The following GPR183 variants were observed in gnomAD, a reference collection of about 807,000 sequenced individuals.
GPR183 encodes EBV-induced G-protein coupled receptor 2.
GPR183 carries 9 observed loss-of-function variants against 19.7 expected under a neutral mutation model. The observed-to-expected ratio is 0.46, with a 90% CI of 0.28 to 0.80. The LOEUF is 0.80. Ranked by LOEUF, GPR183 falls within the 30% of genes least tolerant of loss-of-function variation. The pLI is 0.13. For missense variants in GPR183, 368 were observed against 446.7 expected (o/e 0.82, Z 1.59); for synonymous variants, 160 against 155.1 (o/e 1.03, Z -0.24).
chr13:99,298,514 C>G (rs1222428167), intron 1 of GPR183, among the ~76,000 whole-genome samples: 1 of 151,886 alleles, frequency 6.6e-6, no homozygotes, highest in African/African-American at 2.4e-5. Context: ...AGATATAAAG[C>G]CTTGAATGCA....
intron 1 of GPR183, among the ~76,000 whole-genome samples, chr13:99,297,776 C>G (rs1379619537): frequency 6.6e-6 from 1 of 151,480 alleles, no homozygotes; most frequent in Non-Finnish European, 1.5e-5. Context: ...GTTGAGCTTG[C>G]CTATTACAGG....
At chr13:99,307,130 C>A (rs1164694500) in intron 1 of GPR183, among the ~76,000 whole-genome samples, 1 of 151,958 alleles carries the variant, frequency 6.6e-6, no homozygotes, top group Non-Finnish European at 1.5e-5. Flanking sequence ...TCTGGTGGAC[C>A]CATCGCTTTC....
chr13:99,302,544 G>A (rs1025710580), intron 1 of GPR183, among the ~76,000 whole-genome samples: 4 of 152,166 alleles, frequency 2.6e-5, no homozygotes, highest in African/African-American at 9.6e-5. Context: ...TTCAAACAGG[G>A]GCATCTAAAT....
At chr13:99,296,672 C>A (rs138924564) in intron 1 of GPR183, among the ~76,000 whole-genome samples, 73 of 152,106 alleles carry the variant, frequency 4.8e-4, no homozygotes, top group African/African-American at 1.7e-3. Flanking sequence ...ATGAACTTAC[C>A]ACAGTGATCT....
chr13:99,301,751 C>T (rs998961151), intron 1 of GPR183, among the ~76,000 whole-genome samples: 7 of 152,204 alleles, frequency 4.6e-5, no homozygotes, highest in Non-Finnish European at 8.8e-5. Context: ...CATGTACCTT[C>T]CATGGTCCTA....
At chr13:99,298,786 G>A (rs891534912) in intron 1 of GPR183, among the ~76,000 whole-genome samples, 2 of 152,194 alleles carry the variant, frequency 1.3e-5, no homozygotes, top group African/African-American at 4.8e-5. Flanking sequence ...AAGGCTTCAT[G>A]TGAAAAGCAG....
chr13:99,299,955 T>C (rs1367500900), intron 1 of GPR183, among the ~76,000 whole-genome samples: 2 of 152,228 alleles, frequency 1.3e-5, no homozygotes, highest in Non-Finnish European at 2.9e-5. Context: ...TTCAGGTTTC[T>C]TCCTCTGTTC....
intron 1 of GPR183, among the ~76,000 whole-genome samples, chr13:99,298,158 A>G (rs1490226826): frequency 6.6e-6 from 1 of 152,198 alleles, no homozygotes; most frequent in Non-Finnish European, 1.5e-5. Context: ...TGTGCTAGAT[A>G]GAAAAGAGAT....
chr13:99,297,964 T>G (rs1293842702), intron 1 of GPR183, among the ~76,000 whole-genome samples: 1 of 151,898 alleles, frequency 6.6e-6, no homozygotes, highest in African/African-American at 2.4e-5. Context: ...AAAAATAGAA[T>G]TCAAGGCAAA....
intron 1 of GPR183, among the ~76,000 whole-genome samples, chr13:99,301,599 C>T (rs1021241509): frequency 5.3e-5 from 8 of 151,728 alleles, no homozygotes; most frequent in Admixed American, 1.3e-4. Flanking sequence ...TTTGCATAAC[C>T]GGACATGTTG....
intron 1 of GPR183, among the ~76,000 whole-genome samples, chr13:99,296,854 AG>A: frequency 6.6e-6 from 1 of 152,338 alleles, no homozygotes; most frequent in East Asian, 1.9e-4. Flanking sequence ...AGCTACTTCA[AG>A]GGGAAATTAT....
chr13:99,305,555 A>G (rs943496394), intron 1 of GPR183, among the ~76,000 whole-genome samples: 7 of 152,340 alleles, frequency 4.6e-5, no homozygotes, highest in Admixed American at 6.5e-5. Context: ...ACCAACCTAC[A>G]ATAGATATCT....
In GPR183 at chr13:99,295,763, T is replaced by TCAATA; in HGVS notation, c.378_382dup (p.Asp128ValfsTer17). ...AGGGTGCACCACAGCAATGAAGCGG[T>TCAATA]CAATACTCAGGCAGGTCATAAAGTT... On this transcript the variant is annotated frameshift_variant, in exon 2 of 2. Transcript: ENST00000376414. LOFTEE classifies it high-confidence loss of function. The surrounding 1 kb of genome is among the most constrained non-coding windows in gnomAD (Gnocchi z 4.1). 6.2e-7 allele frequency: 1 copy of TCAATA among 1,614,090 alleles called. No homozygotes were observed. Among genetic ancestry groups the TCAATA allele is most frequent in the Non-Finnish European group, 8.5e-7 (1 of 1,180,006 alleles).
chr13:99,303,600 T>C (rs2044287874), intron 1 of GPR183, among the ~76,000 whole-genome samples: 1 of 152,166 alleles, frequency 6.6e-6, no homozygotes, highest in Admixed American at 6.5e-5. Flanking sequence ...CTGGCATGAT[T>C]TGTAGGATGC....
chr13:99,296,825 TGA>T (rs1397412912), intron 1 of GPR183, among the ~76,000 whole-genome samples: 1 of 151,794 alleles, frequency 6.6e-6, no homozygotes, highest in African/African-American at 2.4e-5. Context: ...ATAAAGAAAA[TGA>T]GAGAGAAAAA....
intron 1 of GPR183, among the ~76,000 whole-genome samples, chr13:99,296,385 C>T (rs2044173996): frequency 6.6e-6 from 1 of 152,058 alleles, no homozygotes; most frequent in African/African-American, 2.4e-5. Context: ...TGTGTTTTTA[C>T]TCTCACAATT....
chr13:99,296,033 T>C lies in GPR183; in HGVS notation c.113A>G (p.Tyr38Cys). Reference sequence around the variant, plus strand: ...GAGCCCAATGATGAAGACGAGGCTGTAATGCAGAGGCATTACTATCCTGGC... The same window carrying C: ...GAGCCCAATGATGAAGACGAGGCTGCAATGCAGAGGCATTACTATCCTGGC... ...STARIVMPLH[Y>C]SLVFIIGLVG... Residue 38 changes from tyrosine (Y) to cysteine (C), a missense_variant, in exon 2 of 2, where the codon TAC (tyrosine) becomes TGC (cysteine). Physicochemically the swap from Tyr to Cys is radical, Grantham distance 194 (BLOSUM62 -2). Transcript: ENST00000376414. 1 of 1,614,180 alleles carries C rather than the reference T, an allele frequency of 6.2e-7. No homozygotes were observed. The highest frequency in any genetic ancestry group is 8.5e-7 in the Non-Finnish European group (1 of 1,180,022).
chr13:99,299,762 C>T (rs1594103007), intron 1 of GPR183, among the ~76,000 whole-genome samples: 1 of 152,126 alleles, frequency 6.6e-6, no homozygotes, highest in Non-Finnish European at 1.5e-5. Flanking sequence ...ATTGTGTCAT[C>T]ATGTAGAAAC....
Position 99,294,813 on chromosome 13 carries a change from G to C in GPR183, c.*247C>G, listed in dbSNP as rs543250577. On this transcript the variant is annotated 3_prime_UTR_variant, in exon 2 of 2. Transcript: ENST00000376414. ...TTTTACATTGGGAGTTATTAAGAGCGCCTCCTTTTGGTGTATTCGTTTACA... is the reference window on the plus strand; with the variant it reads ...TTTTACATTGGGAGTTATTAAGAGCCCCTCCTTTTGGTGTATTCGTTTACA... 2 of 323,960 alleles carry C rather than the reference G, an allele frequency of 6.2e-6. No individual in the cohort carries two copies. Among genetic ancestry groups the C allele is most frequent in the Non-Finnish European group, 1.1e-5 (2 of 178,750 alleles). 20.1% of individuals were successfully genotyped at this position (323,960 alleles called of 1,614,324 possible). A position where few individuals can be genotyped will look rare whatever the true frequency, so the allele number is the denominator to read the frequency against.
Sources: gnomAD v4.1 joint callset for allele counts (sites outside exome capture counted in the v4.1 genomes callset) on GRCh38, gnomAD v4.1.1 for gene constraint, Gnocchi (gnomAD v3.1) non-coding constraint, MANE v1.5 for transcripts, NCBI Gene and HGNC (gene_info 2026-07-23, HGNC 2026-07-21) for gene names.